SDAD1: variants seen among roughly 807,000 people sequenced by gnomAD.
The protein encoded by SDAD1 is SDA1 domain containing 1.
Under a neutral mutation model 100.3 loss-of-function variants are expected in SDAD1, and 79 were observed. That is an observed-to-expected ratio of 0.79 (90% CI 0.66 to 0.95). The LOEUF (loss-of-function observed/expected upper bound fraction) is 0.95. Ranked by LOEUF, SDAD1 falls within the 40% of genes least tolerant of loss-of-function variation. The probability of loss-of-function intolerance (pLI) is 0.00; values close to 1 mark genes in which losing one functional copy is unlikely to be tolerated. For synonymous variants in SDAD1, 267 were observed against 271.4 expected, an observed-to-expected ratio of 0.98 and a Z score of 0.16; for missense variants, 790 against 810.9, an observed-to-expected ratio of 0.97 and a Z score of 0.31.
intron 4 of SDAD1, 42 bp from the exon 5 acceptor site, chr4:75,976,037 A>C: frequency 8.0e-7 from 1 of 1,257,466 alleles, no homozygotes; most frequent in Non-Finnish European, 1.1e-6. Flanking sequence ...AACCTAACCA[A>C]CATTTTTAAC....
chr4:75,973,316 C>T lies in SDAD1; in HGVS notation c.711+1G>A. 6.2e-7 allele frequency: 1 copy of T among 1,611,444 alleles called. No individual in the cohort carries two copies. Among genetic ancestry groups the T allele is most frequent in the Non-Finnish European group, 8.5e-7 (1 of 1,177,762 alleles). ...TCAGAAGCAGCTATGATTAAACTAACCTCAGATTCGGAGTCACTGTCCTGT... is the reference window on the plus strand; with the variant it reads ...TCAGAAGCAGCTATGATTAAACTAATCTCAGATTCGGAGTCACTGTCCTGT... On this transcript the variant is annotated splice_donor_variant, in intron 8 of 21. Coordinates refer to ENST00000356260, the MANE Select transcript of SDAD1 (RefSeq NM_018115.4). LOFTEE classifies it high-confidence loss of function.
chr4:75,971,810 TAC>T (rs1729882338), intron 8 of SDAD1, among the ~76,000 whole-genome samples: 1 of 151,986 alleles, frequency 6.6e-6, no homozygotes, highest in South Asian at 2.1e-4. Context: ...AGGGGGAAGT[TAC>T]AGTGAGCTGA....
intron 17 of SDAD1, among the ~76,000 whole-genome samples, chr4:75,958,701 T>TCAAGAC (rs1287004018): frequency 6.6e-6 from 1 of 151,912 alleles, no homozygotes; most frequent in Non-Finnish European, 1.5e-5. Flanking sequence ...CCTAAATCCT[T>TCAAGAC]CAAGACTTTG....
intron 3 of SDAD1, chr4:75,980,670 C>G (rs1730449843): frequency 6.6e-6 from 1 of 152,472 alleles, no homozygotes; most frequent in Non-Finnish European, 1.5e-5. Context: ...CAGGAAAACA[C>G]TGGAGCACAT....
intron 14 of SDAD1, among the ~76,000 whole-genome samples, chr4:75,962,320 C>T (rs1169143270): frequency 6.6e-6 from 1 of 152,162 alleles, no homozygotes; most frequent in African/African-American, 2.4e-5. Flanking sequence ...TGGGTTGGTT[C>T]CAAGTCTTTG....
At chr4:75,969,421 A>T (rs749109005) in intron 10 of SDAD1, 22 bp from the exon 11 acceptor site, 43 of 1,532,462 alleles carry the variant, frequency 2.8e-5, no homozygotes, top group Admixed American at 2.0e-4. Context: ...AGGATGAAAG[A>T]AGTACATTGT....
At chr4:75,987,624 C>A (rs974887555) in intron 1 of SDAD1, among the ~76,000 whole-genome samples, 1 of 152,170 alleles carries the variant, frequency 6.6e-6, no homozygotes, top group Non-Finnish European at 1.5e-5. Context: ...GCCTCAGCCT[C>A]TGGAGTAGCT....
At chr4:75,989,875 G>A (rs1731135111) in intron 1 of SDAD1, among the ~76,000 whole-genome samples, 1 of 152,186 alleles carries the variant, frequency 6.6e-6, no homozygotes, top group Admixed American at 6.5e-5. Flanking sequence ...AAATTTAGGG[G>A]AGGAGGGAAG....
At chr4:75,965,233 C>G (rs1294219500) in intron 13 of SDAD1, among the ~76,000 whole-genome samples, 1 of 152,134 alleles carries the variant, frequency 6.6e-6, no homozygotes, top group Non-Finnish European at 1.5e-5. Context: ...GAAATAAGCC[C>G]CGGTCTCCCG....
At position 75,990,642 on chromosome 4, in the gene SDAD1, CAG is replaced by C; in HGVS notation, c.90+108_90+109del. 4 of 1,600,482 alleles carry C rather than the reference CAG, an allele frequency of 2.5e-6. 1 individual carries two copies. The South Asian group carries it at 3.3e-5, about 13-fold the overall frequency. On this transcript the variant is annotated intron_variant, in intron 1 of 21. Coordinates refer to ENST00000356260, the MANE Select transcript of SDAD1 (RefSeq NM_018115.4). ...CCTCTGGAGGGACCCCTGAACCTAA[CAG>C]AAGAATAGGCGGCGAGCCTGGATCC...
In SDAD1 at chr4:75,985,433, CATATCCCTCCAGATTA is replaced by C. The variant is rs561463363; in HGVS notation, c.91-3412_91-3397del. ...TCATCAATGCTACTTCCAGAGCACT[CATATCCCTCCAGATTA>C]ATATCCTTTCTCCTCAACTGTCCTC... On this transcript the variant is annotated intron_variant, in intron 1 of 21. Coordinates refer to ENST00000356260, the MANE Select transcript of SDAD1 (RefSeq NM_018115.4). Among the ~76,000 whole-genome samples the C allele has an allele frequency of 1.7e-3, 254 of 152,292 alleles. 1 individual carries two copies. Among genetic ancestry groups the C allele is most frequent in the African/African-American group, 5.7e-3 (235 of 41,556 alleles).
intron 17 of SDAD1, 137 bp downstream of exon 17, chr4:75,959,929 C>A: frequency 1.1e-6 from 1 of 884,722 alleles, no homozygotes. Flanking sequence ...ATCCCCCATA[C>A]TTCTAACAGT....
At chr4:75,951,787 A>C (rs773793602) in intron 21 of SDAD1, among the ~76,000 whole-genome samples, 1 of 152,244 alleles carries the variant, frequency 6.6e-6, no homozygotes, top group Non-Finnish European at 1.5e-5. Flanking sequence ...CCAAAATTAA[A>C]GTTAACCAAG....
chr4:75,950,653 G>C lies in SDAD1; in HGVS notation c.*97C>G. 1 of 845,548 alleles carries C rather than the reference G, an allele frequency of 1.2e-6. No homozygotes were observed. The highest frequency in any genetic ancestry group is 2.0e-5 in the South Asian group (1 of 49,968). 52.4% of individuals were successfully genotyped at this position (845,548 alleles called of 1,614,324 possible). A position where few individuals can be genotyped will look rare whatever the true frequency, so the allele number is the denominator to read the frequency against. On this transcript the variant is annotated 3_prime_UTR_variant, in exon 22 of 22. Transcript: ENST00000356260. ...GCAGTTTTCACAATACAGTGTGTCT[G>C]GACTTTTTAATGTAAACAAACATGC... is the stretch of plus-strand genomic sequence containing the variant.
At chr4:75,975,701 A>G (rs1347691211) in intron 6 of SDAD1, 43 bp downstream of exon 6, 1 of 1,345,504 alleles carries the variant, frequency 7.4e-7, no homozygotes, top group Non-Finnish European at 1.1e-6. Flanking sequence ...ATTACAAATG[A>G]AAAAAGAGTC....
intron 8 of SDAD1, among the ~76,000 whole-genome samples, chr4:75,972,048 C>T (rs1238095938): frequency 6.6e-6 from 1 of 151,122 alleles, no homozygotes; most frequent in Non-Finnish European, 1.5e-5. Context: ...AAGTGATACT[C>T]CCACCTCAGC....
intron 11 of SDAD1, 115 bp downstream of exon 11, chr4:75,969,179 ATG>A: frequency 1.8e-6 from 1 of 566,762 alleles, no homozygotes; most frequent in Non-Finnish European, 3.0e-6. Flanking sequence ...TGTAAATTTT[ATG>A]TGTTTAAATG....
At chr4:75,982,218 G>C (rs922205113) in intron 1 of SDAD1, among the ~76,000 whole-genome samples, 181 bp from the exon 2 acceptor site, 1 of 152,184 alleles carries the variant, frequency 6.6e-6, no homozygotes, top group African/African-American at 2.4e-5. Context: ...GCTTTTTAAA[G>C]ACCTGAGCAC....
chr4:75,960,187 C>A lies in SDAD1; in HGVS notation c.1362G>T (p.Lys454Asn), dbSNP rs1187963232. The change falls in exon 17 of 22, where the codon AAG becomes AAT. Residue 454 changes from lysine (K) to asparagine (N), a missense_variant. Lys to Asn is a moderately conservative substitution (Grantham distance 94). Coordinates refer to ENST00000356260, the MANE Select transcript of SDAD1 (RefSeq NM_018115.4). ...TTGCTTCTATGGAGGCCTCTGTAGG[C>A]TTACCCTAAAGGAAAAGAAATTGTT... Reference protein sequence around the residue: ...PQMLQKKFRGKPTEASIEARV... With the variant: ...PQMLQKKFRGNPTEASIEARV... The A allele has an allele frequency of 6.3e-7, 1 of 1,581,756 alleles. No homozygotes were observed. The highest frequency in any genetic ancestry group is 2.0e-5 in the Admixed American group (1 of 50,998).
Sources: allele counts gnomAD v4.1 joint callset (sites outside exome capture counted in the v4.1 genomes callset), GRCh38; gene constraint gnomAD v4.1.1; transcripts MANE v1.5; gene names NCBI Gene and HGNC (gene_info 2026-07-23, HGNC 2026-07-21).